The following SV2A variants were observed in gnomAD, a reference collection of about 807,000 sequenced individuals.
SV2A encodes the protein solute carrier family 22 member B1.
Under a neutral mutation model 78.0 loss-of-function variants are expected in SV2A, and 25 were observed. The ratio of observed to expected loss-of-function variants is 0.32; its 90% CI spans 0.23 to 0.45. The LOEUF is 0.45. SV2A is among the 20% of genes least tolerant of loss of function. The pLI is 1.00. For missense variants in SV2A, 752 were observed against 971.5 expected (o/e 0.77, Z 3.00); for synonymous variants, 355 against 384.7 (o/e 0.92, Z 0.90).
intron 7 of SV2A, 36 bp downstream of exon 7, chr1:149,909,425 C>T (rs1553763319): frequency 1.9e-6 from 3 of 1,589,220 alleles, no homozygotes; most frequent in East Asian, 2.2e-5. Flanking sequence ...TCCACTTCCC[C>T]CACTCCCTTC....
At position 149,911,850 on chromosome 1, in the gene SV2A, A is replaced by T. The variant is rs1553763823; in HGVS notation, c.753T>A (p.Phe251Leu). 1 of 1,614,220 alleles carries T rather than the reference A, an allele frequency of 6.2e-7. No homozygotes were observed. The highest frequency in any genetic ancestry group is 1.1e-5 in the South Asian group (1 of 91,086). The part of the protein sequence containing the change: ...VNSVFAFFSS[F>L]VQGYGTFLFC... ...AGAGGAAAGTGCCGTAACCCTGGAC[A>T]AAAGATGAGAAGAAGGCGAAGACGC... Residue 251 changes from phenylalanine to leucine, a missense_variant, in exon 3 of 13, where the codon TTT (phenylalanine) becomes TTA (leucine). Around this residue, in one of 7 missense-constraint regions of SV2A, gnomAD observed 291 missense variants for 359.5 expected, o/e 0.81. Coordinates refer to ENST00000369146, the MANE Select transcript of SV2A (RefSeq NM_014849.5).
In SV2A at chr1:149,914,097, A is replaced by T. The variant is rs1553764263; in HGVS notation, c.-257T>A. ...GGGGAAGGGACAGGGGGAGCAGGGG[A>T]ATGGGAAGGGGAAGGGGAGCCAGAT... is the stretch of plus-strand genomic sequence containing the variant. On this transcript the variant is annotated 5_prime_UTR_variant, in exon 2 of 13. Transcript: ENST00000369146. The T allele has an allele frequency of 4.7e-6, 2 of 421,902 alleles. No individual in the cohort carries two copies. Among genetic ancestry groups the T allele is most frequent in the Non-Finnish European group, 8.3e-6 (2 of 241,836 alleles). The allele number at this position is 421,902 out of a possible 1,614,324, so 26.1% of individuals were successfully genotyped here. A position where few individuals can be genotyped will look rare whatever the true frequency, so the allele number is the denominator to read the frequency against.
Position 149,910,861 on chromosome 1 carries a change from G to T in SV2A, c.920C>A (p.Ala307Glu). The T allele has an allele frequency of 6.2e-7, 1 of 1,614,050 alleles. No individual in the cohort carries two copies. The highest frequency in any genetic ancestry group is 8.5e-7 in the Non-Finnish European group (1 of 1,179,948). Residue 307 changes from alanine (A) to glutamate (E), a missense_variant, in exon 4 of 13, where the codon GCA becomes GAA. This residue lies in a region of SV2A where 43 missense variants were observed against 70.8 expected (regional missense o/e 0.61). Transcript: ENST00000369146. The surrounding 1 kb of genome is among the most constrained non-coding windows in gnomAD (Gnocchi z 4.2). ...GATGATGGCCCAGGCCATAGCAGCT[G>T]CGTACACGCCACCAATCATCCAAAA... Reference protein sequence around the residue: ...CMFWMIGGVYAAAMAWAIIPH... With the variant: ...CMFWMIGGVYEAAMAWAIIPH...
At chr1:149,907,255 G>A (rs981822986) in intron 10 of SV2A, among the ~76,000 whole-genome samples, 17 of 152,182 alleles carry the variant, frequency 1.1e-4, no homozygotes, top group Admixed American at 7.2e-4. Context: ...CCAGTATGAG[G>A]TGGGAAATTT....
chr1:149,915,161 T>C (rs587729636), intron 1 of SV2A, among the ~76,000 whole-genome samples: 3 of 152,298 alleles, frequency 2.0e-5, no homozygotes, highest in Non-Finnish European at 4.4e-5. Context: ...GATAATTAAA[T>C]TGGGAGACTG....
chr1:149,914,097 A>G lies in SV2A; in HGVS notation c.-257T>C. The G allele has an allele frequency of 2.4e-6, 1 of 421,902 alleles. No homozygotes were observed. The highest frequency in any genetic ancestry group is 4.1e-6 in the Non-Finnish European group (1 of 241,836). The allele number at this position is 421,902 out of a possible 1,614,324, so 26.1% of individuals were successfully genotyped here. A position where few individuals can be genotyped will look rare whatever the true frequency, so the allele number is the denominator to read the frequency against. ...GGGGAAGGGACAGGGGGAGCAGGGG[A>G]ATGGGAAGGGGAAGGGGAGCCAGAT... On this transcript the variant is annotated 5_prime_UTR_variant, in exon 2 of 13. Transcript: ENST00000369146.
Position 149,909,485 on chromosome 1 carries a change from G to A in SV2A, c.1266C>T (p.Val422=). ...DTGTWYQRWG[V]RALSLGGQVW... ...CCTGCCCCCCTAGGCTCAAGGCCCG[G>A]ACCCCCCAGCGCTGGTACCAGGTCC... The change falls in exon 7 of 13, where the codon GTC becomes GTT. Residue 422 remains valine (V), a synonymous_variant. Coordinates refer to ENST00000369146, the MANE Select transcript of SV2A (RefSeq NM_014849.5). 1 of 1,613,538 alleles carries A rather than the reference G, an allele frequency of 6.2e-7. No homozygotes were observed. The highest frequency in any genetic ancestry group is 1.1e-5 in the South Asian group (1 of 91,052).
intron 8 of SV2A, 49 bp from the exon 9 acceptor site, chr1:149,908,255 C>T (rs1553763108): frequency 2.5e-6 from 4 of 1,585,970 alleles, no homozygotes; most frequent in Non-Finnish European, 2.6e-6. Flanking sequence ...TCAGACAAGG[C>T]TCAGAGATTA....
chr1:149,914,549 G>A (rs1553764329), intron 1 of SV2A, among the ~76,000 whole-genome samples: 1 of 152,168 alleles, frequency 6.6e-6, no homozygotes, highest in Non-Finnish European at 1.5e-5. Context: ...TCTTACTAGG[G>A]GTGGAGTTGA....
rs2092433207 is a variant in SV2A at position 149,905,720 on chromosome 1, G to T, written c.2045+160C>A. ...GGCCTCCCAAAGCACTGGGATTACA[G>T]GCATGAGTCACCGTGCCCGGCCAAA... On this transcript the variant is annotated intron_variant, in intron 12 of 12. Transcript: ENST00000369146. The T allele has an allele frequency of 3.0e-6, 3 of 992,160 alleles. No homozygotes were observed. In the Admixed American group the frequency reaches 6.4e-5, roughly 21 times the overall value. 61.5% of individuals were successfully genotyped at this position (992,160 alleles called of 1,614,324 possible).
rs1553764270 is a variant in SV2A at position 149,914,128 on chromosome 1, G to A, written c.-288C>T. On this transcript the variant is annotated 5_prime_UTR_variant, in exon 2 of 13. Coordinates refer to ENST00000369146, the MANE Select transcript of SV2A (RefSeq NM_014849.5). Reference sequence around the variant, plus strand: ...AAGGGGAAGGGGAGCCAGATTGGGAGGCTAAGCCAGGATAACTCAGGAAGG... The same window carrying A: ...AAGGGGAAGGGGAGCCAGATTGGGAAGCTAAGCCAGGATAACTCAGGAAGG... 1 of 350,732 alleles carries A rather than the reference G, an allele frequency of 2.9e-6. No individual in the cohort carries two copies. 21.7% of individuals were successfully genotyped at this position (350,732 alleles called of 1,614,324 possible).
intron 9 of SV2A, 85 bp from the exon 10 acceptor site, chr1:149,907,918 CT>C (rs2092449211): frequency 1.0e-5 from 16 of 1,574,896 alleles, no homozygotes; most frequent in Non-Finnish European, 1.3e-5. Context: ...TAATGGGAAG[CT>C]GGGCATTGAG....
chr1:149,909,863 C>T lies in SV2A; in HGVS notation c.1117G>A (p.Val373Met). Residue 373 changes from valine to methionine, a missense_variant, in exon 6 of 13, where the codon GTG becomes ATG. Val to Met is a conservative substitution (Grantham distance 21). This residue lies in a region of SV2A where 136 missense variants were observed against 132.3 expected (regional missense o/e 1.03). Transcript: ENST00000369146. The stretch of plus-strand genomic sequence containing the variant: ...TTGGTATCATGGACCTGCTTCAGCA[C>T]CATCCAGGCCTCATCATGCTTTCCA... ...ENGKHDEAWMVLKQVHDTNMR... is the reference protein window; with the variant it reads ...ENGKHDEAWMMLKQVHDTNMR... The T allele has an allele frequency of 6.2e-7, 1 of 1,614,112 alleles. No individual in the cohort carries two copies. Among genetic ancestry groups the T allele is most frequent in the East Asian group, 2.2e-5 (1 of 44,878 alleles).
intron 2 of SV2A, 31 bp downstream of exon 2, chr1:149,913,188 G>A (rs781826618): frequency 6.2e-7 from 1 of 1,600,618 alleles, no homozygotes; most frequent in South Asian, 1.1e-5. Context: ...CAGAGTTTGA[G>A]GGGATAAGGC....
chr1:149,907,930 A>G, intron 9 of SV2A, 97 bp from the exon 10 acceptor site: 1 of 1,570,778 alleles, frequency 6.4e-7, no homozygotes, highest in Non-Finnish European at 8.7e-7. Flanking sequence ...GGGCATTGAG[A>G]AGAAACCACA....
intron 1 of SV2A, among the ~76,000 whole-genome samples, chr1:149,916,256 C>T (rs1408081405): frequency 6.6e-6 from 1 of 152,210 alleles, no homozygotes; most frequent in Non-Finnish European, 1.5e-5. Flanking sequence ...GCACGTAGGG[C>T]AGGGAAGCCT....
chr1:149,905,794 T>TAA (rs1281788889), intron 12 of SV2A, 86 bp downstream of exon 12: 35 of 1,542,088 alleles, frequency 2.3e-5, no homozygotes, highest in Middle Eastern at 2.0e-4. Context: ...CTCTCACCCC[T>TAA]AAGGATGCTC....
intron 3 of SV2A, 41 bp downstream of exon 3, chr1:149,911,759 C>A: frequency 1.3e-6 from 2 of 1,593,964 alleles, no homozygotes; most frequent in South Asian, 1.1e-5. Flanking sequence ...GTGACCAAGG[C>A]ACAGTCCTGC....
intron 12 of SV2A, 156 bp downstream of exon 12, chr1:149,905,724 T>C: frequency 9.8e-7 from 1 of 1,017,384 alleles, no homozygotes; most frequent in Non-Finnish European, 1.5e-6. Flanking sequence ...ATTACAGGCA[T>C]GAGTCACCGT....
Sources: gnomAD v4.1 joint callset for allele counts (sites outside exome capture counted in the v4.1 genomes callset) on GRCh38, gnomAD v4.1.1 for gene constraint, gnomAD v4.1.1 regional missense constraint, Gnocchi (gnomAD v3.1) non-coding constraint, MANE v1.5 for transcripts, NCBI Gene and HGNC (gene_info 2026-07-23, HGNC 2026-07-21) for gene names.